The following NEK10 variants were observed in gnomAD, a reference collection of about 807,000 sequenced individuals.
NEK10 encodes serine/threonine-protein kinase Nek10.
Under a neutral mutation model 159.8 loss-of-function variants are expected in NEK10, and 122 were observed. The observed-to-expected ratio is 0.76, with a 90% CI of 0.66 to 0.89. NEK10 has a LOEUF of 0.89. NEK10 is among the 40% of genes least tolerant of loss of function. NEK10 has a pLI of 0.00. For synonymous variants in NEK10, 466 were observed against 457.1 expected (o/e 1.02, Z -0.25); for missense variants, 1,342 against 1,323.1 (o/e 1.01, Z -0.22).
chr3:27,141,131 G>A (rs1258896453), intron 31 of NEK10, among the ~76,000 whole-genome samples: 1 of 152,094 alleles, frequency 6.6e-6, no homozygotes, highest in African/African-American at 2.4e-5. Context: ...ATTAATGTGT[G>A]GGCACTATTT....
intron 31 of NEK10, among the ~76,000 whole-genome samples, chr3:27,132,259 TATTC>T (rs1419525409): frequency 6.6e-6 from 1 of 152,240 alleles, no homozygotes; most frequent in Non-Finnish European, 1.5e-5. Flanking sequence ...TTTAACAAAT[TATTC>T]ATTAATTGCA....
intron 29 of NEK10, among the ~76,000 whole-genome samples, chr3:27,165,795 G>A (rs912548309): frequency 1.2e-4 from 18 of 152,236 alleles, no homozygotes; most frequent in African/African-American, 3.4e-4. Context: ...AATTAGCATC[G>A]TAATTTTTTA....
chr3:27,245,733 C>T (rs553726774), intron 23 of NEK10, among the ~76,000 whole-genome samples: 1 of 152,276 alleles, frequency 6.6e-6, no homozygotes, highest in East Asian at 1.9e-4. Flanking sequence ...TACATCTCTC[C>T]ATCATCAAAT....
Position 27,238,803 on chromosome 3 carries a change from G to A in NEK10, c.2090+17493C>T, listed in dbSNP as rs114003171. 9.0e-3 allele frequency among the ~76,000 whole-genome samples: 1,321 copies of A among 146,690 alleles called. 26 individuals are homozygous for A. The highest frequency in any genetic ancestry group is 0.03 in the African/African-American group (1,218 of 40,056). On this transcript the variant is annotated intron_variant, in intron 23 of 35. Coordinates refer to ENST00000691995, the MANE Select transcript of NEK10 (RefSeq NM_001394966.1). Reference sequence around the variant, plus strand: ...TGTGTGTGTGTGTATGTGAAGCAACGAAAGCACAGATTTATGGAAATGAAA... The same window carrying A: ...TGTGTGTGTGTGTATGTGAAGCAACAAAAGCACAGATTTATGGAAATGAAA...
intron 1 of NEK10, among the ~76,000 whole-genome samples, chr3:27,361,301 C>T (rs536742023): frequency 6.6e-6 from 1 of 152,276 alleles, no homozygotes; most frequent in African/African-American, 2.4e-5. Flanking sequence ...GCTACAGCAT[C>T]CAATTCTACT....
intron 1 of NEK10, among the ~76,000 whole-genome samples, chr3:27,353,389 C>T (rs2048109293): frequency 6.6e-6 from 1 of 152,040 alleles, no homozygotes; most frequent in Admixed American, 6.6e-5. Context: ...AAAAAGTATG[C>T]ATTATTGTCT....
chr3:27,131,958 T>C lies in NEK10; in HGVS notation c.3003A>G (p.Arg1001=), dbSNP rs1942670170. Residue 1001 remains arginine, a synonymous_variant, in exon 32 of 36, where the codon AGA becomes AGG. Coordinates refer to ENST00000691995, the MANE Select transcript of NEK10 (RefSeq NM_001394966.1). Reference sequence around the variant, plus strand: ...ATTTCTTGAATCTCTCTATAACCCTTCTTTTCAAATTGTGGTGCAAAGCTG... The same window carrying C: ...ATTTCTTGAATCTCTCTATAACCCTCCTTTTCAAATTGTGGTGCAAAGCTG... ...LPPALHHNLK[R]RVIERFKKSL... is the part of the protein sequence containing the mutation. 1 of 1,608,192 alleles carries C rather than the reference T, an allele frequency of 6.2e-7. No homozygotes were observed. The highest frequency in any genetic ancestry group is 8.5e-7 in the Non-Finnish European group (1 of 1,175,680).
At chr3:27,297,686 A>C (rs796998903) in intron 13 of NEK10, among the ~76,000 whole-genome samples, 31 of 152,362 alleles carry the variant, frequency 2.0e-4, no homozygotes, top group African/African-American at 7.2e-4. Context: ...GTTACTGGTG[A>C]GAAAACAGTT....
intron 1 of NEK10, among the ~76,000 whole-genome samples, chr3:27,362,591 T>C (rs565462917): frequency 6.6e-5 from 10 of 151,224 alleles, no homozygotes; most frequent in South Asian, 6.3e-4. Flanking sequence ...AAAGTAATTG[T>C]GGTTTTTGCC....
intron 23 of NEK10, among the ~76,000 whole-genome samples, chr3:27,250,377 G>A (rs988162049): frequency 2.6e-5 from 4 of 151,836 alleles, no homozygotes; most frequent in African/African-American, 4.8e-5. Flanking sequence ...TAGTAGAGAC[G>A]GGGTTTCACT....
chr3:27,145,081 A>G (rs2148706964), intron 30 of NEK10, among the ~76,000 whole-genome samples: 1 of 152,098 alleles, frequency 6.6e-6, no homozygotes, highest in South Asian at 2.1e-4. Flanking sequence ...ATTCTCTCTC[A>G]GTATATCTTT....
At chr3:27,316,998 C>T (rs558820406) in intron 6 of NEK10, among the ~76,000 whole-genome samples, 2 of 152,270 alleles carry the variant, frequency 1.3e-5, no homozygotes, top group African/African-American at 4.8e-5. Context: ...TCCCAGGACA[C>T]GTATTACTCC....
At chr3:27,220,241 A>C (rs141856016) in intron 23 of NEK10, among the ~76,000 whole-genome samples, 125 of 152,314 alleles carry the variant, frequency 8.2e-4, no homozygotes, top group Non-Finnish European at 1.5e-3. Context: ...TTCTTGCTGG[A>C]CTAAAATCAA....
In NEK10 at chr3:27,290,628, T is replaced by A; in HGVS notation, c.1732A>T (p.Ile578Phe). The A allele has an allele frequency of 3.8e-6, 6 of 1,588,732 alleles. No individual in the cohort carries two copies. Among genetic ancestry groups the A allele is most frequent in the Non-Finnish European group, 5.1e-6 (6 of 1,169,176 alleles). The change falls in exon 19 of 36, where the codon ATT becomes TTT. Residue 578 changes from isoleucine to phenylalanine, a missense_variant. By Grantham distance (21) the Ile-to-Phe change is conservative. Transcript: ENST00000691995. ...AGGAAAACATTTACCTGCTCTTTAA[T>A]TATTGTTAATTCAGAAACAATATTC... ...VRNIVSELTI[I>F]KEQLYHPNIV...
intron 3 of NEK10, among the ~76,000 whole-genome samples, chr3:27,350,735 A>T (rs183171370): frequency 4.6e-5 from 7 of 152,284 alleles, no homozygotes; most frequent in Middle Eastern, 6.8e-3. Flanking sequence ...ATTAACTTTA[A>T]TTAAGCCTGC....
chr3:27,231,940 C>G (rs73149383), intron 23 of NEK10, among the ~76,000 whole-genome samples: 4,162 of 151,912 alleles, frequency 0.027, 191 homozygotes, highest in African/African-American at 0.095. Flanking sequence ...TCTACTGAAA[C>G]TATCCCAAAG....
At chr3:27,169,951 G>T (rs1374500515) in intron 29 of NEK10, among the ~76,000 whole-genome samples, 1 of 152,158 alleles carries the variant, frequency 6.6e-6, no homozygotes, top group Non-Finnish European at 1.5e-5. Flanking sequence ...AACAAGCTGG[G>T]AGTTCATTTA....
In NEK10 at chr3:27,308,912, A is replaced by C. The variant is rs370681206; in HGVS notation, c.716+14T>G. ...GTAGCAGAACTGGAAAGTATATTAG[A>C]ATACACTACTTACCTTTCTGCTAAA... On this transcript the variant is annotated intron_variant, in intron 10 of 35. Coordinates refer to ENST00000691995, the MANE Select transcript of NEK10 (RefSeq NM_001394966.1). 2.2e-5 allele frequency: 31 copies of C among 1,425,262 alleles called. No homozygotes were observed. The African/African-American group carries it at 4.1e-4, about 19-fold the overall frequency. 88.3% of individuals were successfully genotyped at this position (1,425,262 alleles called of 1,614,324 possible). A position where few individuals can be genotyped will look rare whatever the true frequency, so the allele number is the denominator to read the frequency against.
At chr3:27,259,018 T>C (rs1304468239) in intron 22 of NEK10, among the ~76,000 whole-genome samples, 1 of 152,250 alleles carries the variant, frequency 6.6e-6, no homozygotes, top group Non-Finnish European at 1.5e-5. Context: ...AAATGTCTTC[T>C]TTTGAGAAGT....
Sources: allele counts gnomAD v4.1 joint callset (sites outside exome capture counted in the v4.1 genomes callset), GRCh38; gene constraint gnomAD v4.1.1; transcripts MANE v1.5; gene names NCBI Gene and HGNC (gene_info 2026-07-23, HGNC 2026-07-21).